ACSS3: variants seen among roughly 807,000 people sequenced by gnomAD.
ACSS3 encodes the protein acyl-CoA synthetase short-chain family member 3, mitochondrial.
Under a neutral mutation model 84.2 loss-of-function variants are expected in ACSS3, and 64 were observed. That is an observed-to-expected ratio of 0.76 (90% CI 0.62 to 0.94). ACSS3 has a LOEUF of 0.94. Ranked by LOEUF, ACSS3 falls within the 40% of genes least tolerant of loss-of-function variation. The pLI, the probability that ACSS3 is intolerant of heterozygous loss-of-function variation, is 0.00. For synonymous variants in ACSS3, 317 were observed against 310.1 expected (o/e 1.02, Z -0.23); for missense variants, 815 against 867.6 (o/e 0.94, Z 0.76).
intron 9 of ACSS3, among the ~76,000 whole-genome samples, chr12:81,205,513 ACAGAGAT>A (rs2135912758): frequency 6.6e-6 from 1 of 152,264 alleles, no homozygotes; most frequent in Non-Finnish European, 1.5e-5. Flanking sequence ...GAGTTTGATA[ACAGAGAT>A]CTCTGTGGGA....
intron 15 of ACSS3, among the ~76,000 whole-genome samples, chr12:81,254,083 C>G (rs2034233821): frequency 6.6e-6 from 1 of 151,914 alleles, no homozygotes; most frequent in Non-Finnish European, 1.5e-5. Flanking sequence ...TGCAACTGTG[C>G]CTGGCTAATT....
chr12:81,247,579 A>G (rs564203041), intron 13 of ACSS3, among the ~76,000 whole-genome samples: 1 of 152,196 alleles, frequency 6.6e-6, no homozygotes, highest in Non-Finnish European at 1.5e-5. Context: ...CTTTAAGTTA[A>G]CTTCTCTCTA....
chr12:81,165,441 C>G (rs141501261), intron 7 of ACSS3, among the ~76,000 whole-genome samples: 1 of 152,046 alleles, frequency 6.6e-6, no homozygotes, highest in Non-Finnish European at 1.5e-5. Flanking sequence ...GTCAGGAGAT[C>G]GAGACCATCC....
chr12:81,152,153 C>A (rs1393075331), intron 7 of ACSS3, 57 bp downstream of exon 7: 22 of 1,453,170 alleles, frequency 1.5e-5, no homozygotes, highest in Non-Finnish European at 2.0e-5. Flanking sequence ...TAAAACTTTT[C>A]ATGAAGCAGT....
chr12:81,149,337 A>T (rs1886499985), intron 5 of ACSS3, among the ~76,000 whole-genome samples: 1 of 152,122 alleles, frequency 6.6e-6, no homozygotes, highest in Non-Finnish European at 1.5e-5. Flanking sequence ...TTTAATTATC[A>T]TTACCTGGAA....
chr12:81,134,096 G>T (rs1885665026), intron 2 of ACSS3, among the ~76,000 whole-genome samples: 1 of 151,828 alleles, frequency 6.6e-6, no homozygotes, highest in Non-Finnish European at 1.5e-5. Context: ...AACTGTGTAT[G>T]TTGTATCCAA....
At chr12:81,081,312 C>A (rs555075793) in intron 1 of ACSS3, among the ~76,000 whole-genome samples, 1 of 152,268 alleles carries the variant, frequency 6.6e-6, no homozygotes, top group African/African-American at 2.4e-5. Flanking sequence ...AAATGCATTT[C>A]CAGTCCTGTA....
At chr12:81,204,692 T>A (rs1297160292) in intron 9 of ACSS3, among the ~76,000 whole-genome samples, 1 of 152,168 alleles carries the variant, frequency 6.6e-6, no homozygotes, top group Non-Finnish European at 1.5e-5. Flanking sequence ...TATTTTTACC[T>A]GTTGACAGGA....
chr12:81,198,048 A>G (rs1280179250), intron 8 of ACSS3, among the ~76,000 whole-genome samples: 1 of 152,170 alleles, frequency 6.6e-6, no homozygotes, highest in African/African-American at 2.4e-5. Flanking sequence ...CTAGATTAGT[A>G]ATTCCAGAAT....
intron 2 of ACSS3, among the ~76,000 whole-genome samples, chr12:81,125,164 A>C (rs1266072212): frequency 6.6e-6 from 1 of 152,160 alleles, no homozygotes; most frequent in East Asian, 1.9e-4. Flanking sequence ...CAGTGAGCCG[A>C]GATTGCGCCA....
Position 81,238,579 on chromosome 12 carries a change from C to T in ACSS3, c.1719+5108C>T, listed in dbSNP as rs531615296. Among the ~76,000 whole-genome samples, 79 of 151,778 alleles carry T rather than the reference C, an allele frequency of 5.2e-4. 1 individual carries two copies. The highest frequency in any genetic ancestry group is 1.8e-3 in the African/African-American group (75 of 41,462). ...GCCTATTCAGATTGTCAATTTCTTCCTGTGTAACTTTTGTCAGATTGTGTC... is the reference window on the plus strand; with the variant it reads ...GCCTATTCAGATTGTCAATTTCTTCTTGTGTAACTTTTGTCAGATTGTGTC... On this transcript the variant is annotated intron_variant, in intron 13 of 15. Transcript: ENST00000548058.
chr12:81,151,552 GA>G, intron 5 of ACSS3: 1 of 253,218 alleles, frequency 3.9e-6, no homozygotes, highest in Non-Finnish European at 7.5e-6. Flanking sequence ...GGTGCCATTA[GA>G]AAAGTTTGTA....
At chr12:81,113,710 C>T (rs746186340) in intron 2 of ACSS3, among the ~76,000 whole-genome samples, 1 of 152,084 alleles carries the variant, frequency 6.6e-6, no homozygotes, top group Admixed American at 6.6e-5. Flanking sequence ...TTAAATTGTA[C>T]CAGTAATGGA....
At chr12:81,243,369 G>C (rs11114802) in intron 13 of ACSS3, among the ~76,000 whole-genome samples, 27,074 of 152,012 alleles carry the variant, frequency 0.18, 2,604 homozygotes, top group Non-Finnish European at 0.22. Context: ...AGGATACAAA[G>C]AAATGCAAGA....
At chr12:81,148,356 A>C (rs1377661569) in intron 5 of ACSS3, among the ~76,000 whole-genome samples, 1 of 152,160 alleles carries the variant, frequency 6.6e-6, no homozygotes, top group Non-Finnish European at 1.5e-5. Flanking sequence ...ATTTATGACA[A>C]TCTGTGAGTT....
chr12:81,190,770 T>G (rs565099084), intron 8 of ACSS3, among the ~76,000 whole-genome samples: 1 of 152,156 alleles, frequency 6.6e-6, no homozygotes, highest in South Asian at 2.1e-4. Flanking sequence ...AGAAAAGCTA[T>G]CAAATTAACA....
rs10540824 is a variant in ACSS3 at position 81,173,942 on chromosome 12, G to GAT, written c.1099-831_1099-830dup. Reference sequence around the variant, plus strand: ...CTCCAACTTCCACAAACGGATTTTGGATATATATATATATATCCAAGACAT... The same window carrying GAT: ...CTCCAACTTCCACAAACGGATTTTGGATATATATATATATATATCCAAGACAT... On this transcript the variant is annotated intron_variant, in intron 7 of 15. Transcript: ENST00000548058. 2.9e-3 allele frequency among the ~76,000 whole-genome samples: 430 copies of GAT among 150,862 alleles called. 3 individuals are homozygous for GAT. Among genetic ancestry groups the GAT allele is most frequent in the African/African-American group, 6.9e-3 (282 of 41,094 alleles).
intron 1 of ACSS3, among the ~76,000 whole-genome samples, chr12:81,102,217 G>A (rs1449134880): frequency 6.6e-6 from 1 of 152,054 alleles, no homozygotes; most frequent in Non-Finnish European, 1.5e-5. Flanking sequence ...TGGAGGTTTT[G>A]GTTACTAAAA....
At chr12:81,219,930 TG>T in intron 10 of ACSS3, 82 bp from the exon 11 acceptor site, 2 of 895,794 alleles carry the variant, frequency 2.2e-6, no homozygotes, top group South Asian at 3.1e-5. Flanking sequence ...TAGAGCTTTT[TG>T]GGTTGAATAT....
Sources: allele counts gnomAD v4.1 joint callset (sites outside exome capture counted in the v4.1 genomes callset), GRCh38; gene constraint gnomAD v4.1.1; transcripts MANE v1.5; gene names NCBI Gene and HGNC (gene_info 2026-07-23, HGNC 2026-07-21).